The following SCARA3 variants were observed in gnomAD, a reference collection of about 807,000 sequenced individuals.
SCARA3 encodes the protein cellular stress response gene protein.
SCARA3 carries 39 observed loss-of-function variants against 47.0 expected under a neutral mutation model. That is an observed-to-expected ratio of 0.83 (90% CI 0.64 to 1.08). The LOEUF (loss-of-function observed/expected upper bound fraction) is 1.08. SCARA3 is among the 50% of genes least tolerant of loss of function. SCARA3 has a pLI of 0.00. For synonymous variants in SCARA3, 356 were observed against 334.1 expected (o/e 1.07, Z -0.71); for missense variants, 724 against 792.3 (o/e 0.91, Z 1.04).
At chr8:27,694,205 G>A in the SCARA3 span, among the ~76,000 whole-genome samples, 1 of 152,166 alleles carries the variant, frequency 6.6e-6, no homozygotes, top group Non-Finnish European at 1.5e-5. Flanking sequence ...ATGAAAGTAA[G>A]AATCCTTACT....
Position 27,638,189 on chromosome 8 carries a change from A to T in SCARA3, c.7+3982A>T, listed in dbSNP as rs116814587. ...TTCTCAGTAGGCTAGGTTGATGGAT[A>T]GCTTGGCAGTTTCCGTGAAGGACAG... is the stretch of plus-strand genomic sequence containing the variant. On this transcript the variant is annotated intron_variant, in intron 1 of 5. Transcript: ENST00000301904. 2.8e-3 allele frequency among the ~76,000 whole-genome samples: 430 copies of T among 152,304 alleles called. 2 individuals carry two copies. The highest frequency in any genetic ancestry group is 9.8e-3 in the African/African-American group (407 of 41,568).
rs558573181 is a variant in SCARA3, at chr8:27,653,876, A to G, written c.226+2249A>G. On this transcript the variant is annotated intron_variant, in intron 3 of 5. Transcript: ENST00000301904. ...CATTTTTTTCTGTAAAAGGCTACATAGTAAATATTTTAGGCTTTTCAGGTT... is the reference window on the plus strand; with the variant it reads ...CATTTTTTTCTGTAAAAGGCTACATGGTAAATATTTTAGGCTTTTCAGGTT... Among the ~76,000 whole-genome samples, 10 of 152,296 alleles carry G rather than the reference A, an allele frequency of 6.6e-5. No homozygotes were observed. The East Asian group carries it at 1.9e-3, about 29-fold the overall frequency.
chr8:27,732,563 CATTGGGT>C, the SCARA3 span, among the ~76,000 whole-genome samples: 1 of 152,198 alleles, frequency 6.6e-6, no homozygotes, highest in Non-Finnish European at 1.5e-5. Flanking sequence ...TAAAAGATGG[CATTGGGT>C]AGGTATTTGT....
downstream of SCARA3, among the ~76,000 whole-genome samples, chr8:27,675,835 C>A (rs527473380): frequency 6.0e-3 from 906 of 151,510 alleles, 21 homozygotes; most frequent in African/African-American, 0.021. Flanking sequence ...GGCCTCCCCC[C>A]CAGAAACTCT....
chr8:27,660,631 G>GATAT (rs1801882961), intron 5 of SCARA3, among the ~76,000 whole-genome samples: 1 of 144,456 alleles, frequency 6.9e-6, no homozygotes, highest in Non-Finnish European at 1.5e-5. Context: ...TAGATAGATA[G>GATAT]ATAGATAGAT....
intron 5 of SCARA3, 49 bp from the exon 6 acceptor site, chr8:27,670,851 T>A: frequency 3.4e-6 from 5 of 1,464,868 alleles, no homozygotes; most frequent in Non-Finnish European, 4.6e-6. Context: ...GAGCCTCGGG[T>A]GGGGAGCCCC....
the SCARA3 span, among the ~76,000 whole-genome samples, chr8:27,722,746 T>C: frequency 6.6e-6 from 1 of 152,184 alleles, no homozygotes; most frequent in East Asian, 1.9e-4. Flanking sequence ...CCCCTCACCA[T>C]AACATTGTAT....
At chr8:27,664,519 C>T (rs1801976068) in intron 5 of SCARA3, among the ~76,000 whole-genome samples, 1 of 152,090 alleles carries the variant, frequency 6.6e-6, no homozygotes, top group African/African-American at 2.4e-5. Flanking sequence ...ATTCAGTGCC[C>T]ACCCAGGAAA....
chr8:27,683,912 A>T, the SCARA3 span, among the ~76,000 whole-genome samples: 1 of 152,088 alleles, frequency 6.6e-6, no homozygotes, highest in East Asian at 1.9e-4. Context: ...AAAAACTCAA[A>T]AACTATGTAA....
chr8:27,666,290 A>C (rs1802013064), intron 5 of SCARA3, among the ~76,000 whole-genome samples: 1 of 152,182 alleles, frequency 6.6e-6, no homozygotes, highest in African/African-American at 2.4e-5. Context: ...AAATGCCTGG[A>C]GGGGAAAAGA....
intron 5 of SCARA3, among the ~76,000 whole-genome samples, chr8:27,669,470 C>G (rs1325839383): frequency 6.6e-6 from 1 of 152,232 alleles, no homozygotes; most frequent in African/African-American, 2.4e-5. Flanking sequence ...GCCTGGGCCC[C>G]TGGCACTCTG....
At chr8:27,682,815 G>A in the SCARA3 span, among the ~76,000 whole-genome samples, 1 of 152,124 alleles carries the variant, frequency 6.6e-6, no homozygotes, top group Non-Finnish European at 1.5e-5. Flanking sequence ...TAGTTTTCCT[G>A]TTCCCTTCTT....
chr8:27,659,666 T>G, intron 5 of SCARA3, 127 bp downstream of exon 5: 1 of 753,818 alleles, frequency 1.3e-6, no homozygotes, highest in Non-Finnish European at 2.1e-6. Flanking sequence ...AGCAAATGCC[T>G]ACAGCAGTCG....
the SCARA3 span, among the ~76,000 whole-genome samples, chr8:27,711,930 T>C: frequency 2.6e-5 from 4 of 152,188 alleles, no homozygotes; most frequent in Non-Finnish European, 5.9e-5. Flanking sequence ...CCAAAGTCCA[T>C]AGTTTACATT....
the SCARA3 span, among the ~76,000 whole-genome samples, chr8:27,705,838 A>T: frequency 4.6e-5 from 7 of 152,242 alleles, no homozygotes; most frequent in Non-Finnish European, 1.0e-4. Flanking sequence ...GAGACCAAAA[A>T]ATCTTTCTGT....
At chr8:27,684,412 G>A in the SCARA3 span, among the ~76,000 whole-genome samples, 1 of 152,238 alleles carries the variant, frequency 6.6e-6, no homozygotes, top group Non-Finnish European at 1.5e-5. Context: ...AAGTCTGGGT[G>A]CTGTGGCCCA....
At chr8:27,689,848 G>T in the SCARA3 span, among the ~76,000 whole-genome samples, 1 of 152,158 alleles carries the variant, frequency 6.6e-6, no homozygotes, top group Admixed American at 6.5e-5. Flanking sequence ...TCTAGGCTGG[G>T]CACGGTGGCT....
intron 1 of SCARA3, among the ~76,000 whole-genome samples, chr8:27,648,794 AGAGAGG>A (rs1387400080): frequency 5.9e-5 from 6 of 100,852 alleles, no homozygotes; most frequent in African/African-American, 1.6e-4. Context: ...AGAGATAAAG[AGAGAGG>A]GAGAGGGAGG....
the SCARA3 span, among the ~76,000 whole-genome samples, chr8:27,726,968 C>A: frequency 3.3e-5 from 5 of 151,998 alleles, no homozygotes; most frequent in Admixed American, 6.6e-5. Context: ...GAGATGAGGT[C>A]TCACCATGTT....
Sources: allele counts gnomAD v4.1 joint callset (sites outside exome capture counted in the v4.1 genomes callset), GRCh38; gene constraint gnomAD v4.1.1; transcripts MANE v1.5; gene names NCBI Gene and HGNC (gene_info 2026-07-23, HGNC 2026-07-21).